The following XKR4 variants were observed in gnomAD, a reference collection of about 807,000 sequenced individuals.
The protein encoded by XKR4 is XK-related protein 4.
Under a neutral mutation model 53.9 loss-of-function variants are expected in XKR4, and 12 were observed. That is an observed-to-expected ratio of 0.22 (90% CI 0.14 to 0.36). The LOEUF is 0.36. Among genes scored for constraint, XKR4 ranks in the 10% least tolerant of loss-of-function variants. The pLI, the probability that XKR4 is intolerant of heterozygous loss-of-function variation, is 1.00. For synonymous variants in XKR4, 354 were observed against 362.4 expected (o/e 0.98, Z 0.26); for missense variants, 799 against 859.5 (o/e 0.93, Z 0.88).
chr8:55,383,183 A>G (rs899768178), intron 2 of XKR4, among the ~76,000 whole-genome samples: 7 of 152,244 alleles, frequency 4.6e-5, no homozygotes, highest in African/African-American at 1.7e-4. Flanking sequence ...ACTGCACTCC[A>G]GCCTGGATGA....
At chr8:55,186,280 C>A (rs759493951) in intron 1 of XKR4, among the ~76,000 whole-genome samples, 78 of 152,064 alleles carry the variant, frequency 5.1e-4, no homozygotes, top group Non-Finnish European at 7.6e-4. Context: ...TACATAGGCC[C>A]CATTTATTTT....
rs921476751 is a variant in XKR4 at position 55,528,765 on chromosome 8, T to G, written c.*4538T>G. On this transcript the variant is annotated 3_prime_UTR_variant, in exon 3 of 3. Transcript: ENST00000327381. ...CCTTTGTCTCGGCAATCCAATGTCA[T>G]TTTTGAAAACAATCAAAAAGATCGC... is the stretch of plus-strand genomic sequence containing the variant. 1.6e-4 allele frequency: 25 copies of G among 152,142 alleles called. No homozygotes were observed. The highest frequency in any genetic ancestry group is 5.6e-4 in the African/African-American group (23 of 41,428). The allele number at this position is 152,142 out of a possible 1,614,324, so 9.4% of individuals were successfully genotyped here. A position where few individuals can be genotyped will look rare whatever the true frequency, so the allele number is the denominator to read the frequency against.
intron 2 of XKR4, chr8:55,452,278 G>T: frequency 1.5e-6 from 1 of 649,746 alleles, no homozygotes; most frequent in Non-Finnish European, 2.8e-6. Flanking sequence ...AAAGGGGTCT[G>T]GATGCTGATG....
intron 2 of XKR4, chr8:55,451,719 C>A: frequency 7.9e-7 from 1 of 1,272,776 alleles, no homozygotes; most frequent in East Asian, 2.3e-5. Context: ...TGCGGTTGAC[C>A]AGAGAAATGC....
At chr8:55,219,845 C>G (rs1470639935) in intron 1 of XKR4, among the ~76,000 whole-genome samples, 2 of 152,052 alleles carry the variant, frequency 1.3e-5, no homozygotes, top group Non-Finnish European at 2.9e-5. Context: ...TTTATGGGAG[C>G]TTTAAGGAAA....
At chr8:55,453,130 A>G in intron 2 of XKR4, 1 of 528,340 alleles carries the variant, frequency 1.9e-6, no homozygotes, top group Non-Finnish European at 3.8e-6. Context: ...CCAGTAGAAC[A>G]CGGCCTCCCA....
chr8:55,341,237 G>A (rs1563328113), intron 1 of XKR4, among the ~76,000 whole-genome samples: 2 of 152,132 alleles, frequency 1.3e-5, no homozygotes, highest in East Asian at 1.9e-4. Flanking sequence ...GGGCAGCTGG[G>A]ACCCAAGCCC....
At chr8:55,164,066 T>C in intron 1 of XKR4, 1 of 381,884 alleles carries the variant, frequency 2.6e-6, no homozygotes, top group Non-Finnish European at 5.3e-6. Flanking sequence ...AGGAGGCTCC[T>C]TTGCCCTTAT....
chr8:55,363,844 GTAGT>G (rs1463603249), intron 2 of XKR4, among the ~76,000 whole-genome samples: 2 of 152,164 alleles, frequency 1.3e-5, no homozygotes, highest in African/African-American at 4.8e-5. Flanking sequence ...TGCTATTATC[GTAGT>G]TAATTAAAAC....
chr8:55,116,606 CAT>C (rs769421605), intron 1 of XKR4, among the ~76,000 whole-genome samples: 24 of 152,248 alleles, frequency 1.6e-4, no homozygotes, highest in South Asian at 8.3e-4. Flanking sequence ...TTTGTGTAGA[CAT>C]GTTATTGATT....
intron 1 of XKR4, among the ~76,000 whole-genome samples, chr8:55,247,860 T>TTCTTTCTTTCTTTC (rs760867461): frequency 0.027 from 2,796 of 104,892 alleles, 59 homozygotes; most frequent in East Asian, 0.098. Flanking sequence ...TCTTTCTTTT[T>TTCTTTCTTTCTTTC]TTTTTTTTTT....
At chr8:55,204,888 G>A (rs896676469) in intron 1 of XKR4, among the ~76,000 whole-genome samples, 5 of 152,184 alleles carry the variant, frequency 3.3e-5, no homozygotes, top group African/African-American at 1.2e-4. Context: ...TTTGATAGTA[G>A]ATACAAAAAG....
At chr8:55,420,260 A>G (rs968471437) in intron 2 of XKR4, among the ~76,000 whole-genome samples, 9 of 152,240 alleles carry the variant, frequency 5.9e-5, no homozygotes, top group Non-Finnish European at 1.2e-4. Context: ...AAAAACAAAT[A>G]TCCAGAAAGA....
intron 2 of XKR4, among the ~76,000 whole-genome samples, chr8:55,409,090 A>C (rs1804737859): frequency 6.6e-6 from 1 of 152,140 alleles, no homozygotes; most frequent in Admixed American, 6.5e-5. Flanking sequence ...AGGAAGGACT[A>C]AGATGCTGGA....
intron 1 of XKR4, among the ~76,000 whole-genome samples, chr8:55,341,474 C>G (rs1409068890): frequency 6.6e-6 from 1 of 152,162 alleles, no homozygotes; most frequent in Non-Finnish European, 1.5e-5. Context: ...AGAGACATGT[C>G]TCAGGGTACC....
Position 55,442,665 on chromosome 8 carries a change from T to C in XKR4, c.1007-80616T>C, listed in dbSNP as rs567785306. ...GCCTTAGAAAGGAATGAAGTACTGA[T>C]AAATGCCACATGGATAAACCAGGAA... On this transcript the variant is annotated intron_variant, in intron 2 of 2. Coordinates refer to ENST00000327381, the MANE Select transcript of XKR4 (RefSeq NM_052898.2). Among the ~76,000 whole-genome samples the C allele has an allele frequency of 6.6e-5, 10 of 152,322 alleles. No individual in the cohort carries two copies. In the South Asian group the frequency reaches 2.1e-3, roughly 32 times the overall value.
At chr8:55,330,204 G>C (rs1419776931) in intron 1 of XKR4, among the ~76,000 whole-genome samples, 1 of 152,136 alleles carries the variant, frequency 6.6e-6, no homozygotes, top group Non-Finnish European at 1.5e-5. Context: ...CAATAAGGCA[G>C]TGTAGGTAAG....
In XKR4 at chr8:55,473,133, A is replaced by G. The variant is rs552066634; in HGVS notation, c.1007-50148A>G. 5.9e-5 allele frequency among the ~76,000 whole-genome samples: 9 copies of G among 152,228 alleles called. No individual in the cohort carries two copies. In the South Asian group the frequency reaches 1.9e-3, roughly 32 times the overall value. ...TTCCTTGGCCTGCCTCATACACTTT[A>G]GTGACCTCTCCAAATCCTTAGAGTA... On this transcript the variant is annotated intron_variant, in intron 2 of 2. Transcript: ENST00000327381.
chr8:55,457,206 G>C (rs1187152056), intron 2 of XKR4, among the ~76,000 whole-genome samples: 1 of 143,404 alleles, frequency 7.0e-6, no homozygotes, highest in Non-Finnish European at 1.5e-5. Context: ...GCAGTGGCAC[G>C]ATCTCTGCTC....
Sources: gnomAD v4.1 joint callset for allele counts (sites outside exome capture counted in the v4.1 genomes callset) on GRCh38, gnomAD v4.1.1 for gene constraint, MANE v1.5 for transcripts, NCBI Gene and HGNC (gene_info 2026-07-23, HGNC 2026-07-21) for gene names.